Variants in DOP1B observed in about 807,000 individuals in gnomAD.
DOP1B encodes the protein protein DOP1B.
Under a neutral mutation model 233.5 loss-of-function variants are expected in DOP1B, and 174 were observed. The observed-to-expected ratio is 0.75, with a 90% CI of 0.66 to 0.85. DOP1B has a LOEUF of 0.85. DOP1B is among the 40% of genes least tolerant of loss of function. The pLI, the probability that DOP1B is intolerant of heterozygous loss-of-function variation, is 0.00. For missense variants in DOP1B, 2,652 were observed against 2,846.6 expected, an observed-to-expected ratio of 0.93 and a Z score of 1.56; for synonymous variants, 1,190 against 1,185.6, an observed-to-expected ratio of 1.00 and a Z score of -0.08.
In DOP1B at chr21:36,176,097, C is replaced by CGTGTGTGTGT. The variant is rs1555886143; in HGVS notation, c.138+11242_138+11251dup. Among the ~76,000 whole-genome samples, 168 of 141,846 alleles carry CGTGTGTGTGT rather than the reference C, an allele frequency of 1.2e-3. 3 individuals are homozygous for CGTGTGTGTGT. The highest frequency in any genetic ancestry group is 3.8e-3 in the African/African-American group (146 of 38,884). The allele number at this position is 141,846 out of a possible 152,430, so 93.1% of individuals were successfully genotyped here. Reference sequence around the variant, plus strand: ...GAGCTTCGACTTTGGGGTGTGTGTGCGTGTGTGTGTGTGTGTGTGTGTGTG... The same window carrying CGTGTGTGTGT: ...GAGCTTCGACTTTGGGGTGTGTGTGCGTGTGTGTGTGTGTGTGTGTGTGTGTGTGTGTGTG... On this transcript the variant is annotated intron_variant, in intron 2 of 36. Coordinates refer to ENST00000691173, the MANE Select transcript of DOP1B (RefSeq NM_001320714.2).
intron 2 of DOP1B, among the ~76,000 whole-genome samples, chr21:36,176,091 T>TATGTGC (rs1569000896): frequency 7.0e-6 from 1 of 142,800 alleles, no homozygotes; most frequent in African/African-American, 2.7e-5. Flanking sequence ...CTTTGGGGTG[T>TATGTGC]GTGTGCGTGT....
chr21:36,159,744 G>T (rs530184574), intron 1 of DOP1B, among the ~76,000 whole-genome samples: 26 of 152,212 alleles, frequency 1.7e-4, no homozygotes, highest in South Asian at 4.2e-4. Flanking sequence ...ACACCTTATC[G>T]TCAATACACA....
chr21:36,279,728 C>G (rs563580349), intron 30 of DOP1B, among the ~76,000 whole-genome samples: 3 of 152,174 alleles, frequency 2.0e-5, no homozygotes, highest in East Asian at 1.9e-4. Flanking sequence ...AGCCAGAGTG[C>G]CTTGTCAGTT....
chr21:36,200,494 TC>T lies in DOP1B; in HGVS notation c.486del (p.Asp163ThrfsTer8). 1 of 1,606,536 alleles carries T rather than the reference TC, an allele frequency of 6.2e-7. No homozygotes were observed. ...LPGLEEGSEI[S>X]DRTDALLLRL... ...CGGCCTTGAAGAGGGCTCCGAGATC[TC>T]CGACAGGTGCGTGGGCGTCTTGTCC... On this transcript the variant is annotated frameshift_variant, in exon 4 of 37. Coordinates refer to ENST00000691173, the MANE Select transcript of DOP1B (RefSeq NM_001320714.2). LOFTEE classifies it high-confidence loss of function.
rs199791572 is a variant in DOP1B, at chr21:36,214,160, T to G, written c.984T>G (p.Phe328Leu). 1 of 1,613,588 alleles carries G rather than the reference T, an allele frequency of 6.2e-7. No homozygotes were observed. Among genetic ancestry groups the G allele is most frequent in the African/African-American group, 1.3e-5 (1 of 75,026 alleles). Residue 328 changes from phenylalanine to leucine, a missense_variant, in exon 8 of 37, where the codon TTT (phenylalanine) becomes TTG (leucine). Transcript: ENST00000691173. ...NSYEDQSSYF[F>L]EKYSKDLLVE... ...ATGAAGACCAGTCGTCTTATTTTTT[T>G]GAAAAATACTCCAAGGATCTTTTAG... is the stretch of plus-strand genomic sequence containing the variant.
intron 15 of DOP1B, 121 bp downstream of exon 15, chr21:36,233,196 A>T: frequency 7.7e-7 from 1 of 1,291,224 alleles, no homozygotes; most frequent in Non-Finnish European, 1.1e-6. Flanking sequence ...TCTATAGGGC[A>T]CTGGGCAGAG....
At chr21:36,248,880 G>A (rs1257553811) in intron 21 of DOP1B, among the ~76,000 whole-genome samples, 1 of 151,550 alleles carries the variant, frequency 6.6e-6, no homozygotes, top group Non-Finnish European at 1.5e-5. Context: ...CAAGGCGGAT[G>A]GATCTCCTGA....
chr21:36,188,822 T>A (rs908921412), intron 2 of DOP1B, among the ~76,000 whole-genome samples: 2 of 152,226 alleles, frequency 1.3e-5, no homozygotes, highest in Admixed American at 1.3e-4. Context: ...TCTAGGAACT[T>A]TTAAAGGAAA....
chr21:36,273,934 C>T (rs148232789), intron 27 of DOP1B, among the ~76,000 whole-genome samples: 5 of 152,048 alleles, frequency 3.3e-5, no homozygotes, highest in Non-Finnish European at 5.9e-5. Context: ...AGAAATTAGC[C>T]GGGTGTGGTG....
At chr21:36,233,251 T>C (rs1318402885) in intron 15 of DOP1B, among the ~76,000 whole-genome samples, 176 bp downstream of exon 15, 1 of 152,152 alleles carries the variant, frequency 6.6e-6, no homozygotes, top group East Asian at 1.9e-4. Flanking sequence ...ACTTTCACCC[T>C]CCAGGAAAGC....
chr21:36,241,074 C>T (rs765872073), intron 18 of DOP1B, among the ~76,000 whole-genome samples: 4 of 151,856 alleles, frequency 2.6e-5, no homozygotes, highest in African/African-American at 7.3e-5. Context: ...GCAGGCAGAT[C>T]GTGAGGTCAA....
In DOP1B at chr21:36,230,912, A is replaced by G. The variant is rs370996759; in HGVS notation, c.2128A>G (p.Lys710Glu). The G allele has an allele frequency of 4.3e-6, 7 of 1,614,046 alleles. No homozygotes were observed. Among genetic ancestry groups the G allele is most frequent in the Middle Eastern group, 1.6e-4 (1 of 6,084 alleles). The change falls in exon 14 of 37, where the codon AAA becomes GAA. Residue 710 changes from lysine to glutamate, a missense_variant. Coordinates refer to ENST00000691173, the MANE Select transcript of DOP1B (RefSeq NM_001320714.2). ...FTARGSPFKT[K>E]SSESPSSSPS... ...AGCACGAGGGTCTCCATTCAAGACA[A>G]AAAGTTCAGAGTCACCATCGTCTTC...
chr21:36,183,851 C>T (rs1342177383), intron 2 of DOP1B, among the ~76,000 whole-genome samples: 1 of 150,578 alleles, frequency 6.6e-6, no homozygotes, highest in East Asian at 2.0e-4. Context: ...TTCACATTTC[C>T]TGTGTACATG....
chr21:36,219,716 T>C (rs899167043), intron 10 of DOP1B, among the ~76,000 whole-genome samples: 6 of 152,006 alleles, frequency 3.9e-5, no homozygotes, highest in Middle Eastern at 3.4e-3. Context: ...ATATAGTCTT[T>C]CCCCCAGCCT....
intron 35 of DOP1B, among the ~76,000 whole-genome samples, chr21:36,291,356 C>T (rs1455887677): frequency 1.3e-5 from 2 of 151,926 alleles, no homozygotes; most frequent in Non-Finnish European, 2.9e-5. Context: ...GTCAGGAGTT[C>T]AAGACCAGCC....
chr21:36,214,425 C>CT lies in DOP1B; in HGVS notation c.1015-10dup, dbSNP rs1188251077. Reference sequence around the variant, plus strand: ...TGATATACGATATTCTAATATGTGGCTTTTTTTAAATAATAGGGTTTGGCT... The same window carrying CT: ...TGATATACGATATTCTAATATGTGGCTTTTTTTTAAATAATAGGGTTTGGCT... On this transcript the variant is annotated splice_polypyrimidine_tract_variant and intron_variant, in intron 8 of 36. Coordinates refer to ENST00000691173, the MANE Select transcript of DOP1B (RefSeq NM_001320714.2). 1.2e-6 allele frequency: 2 copies of CT among 1,602,074 alleles called. No homozygotes were observed. The highest frequency in any genetic ancestry group is 1.7e-6 in the Non-Finnish European group (2 of 1,175,172).
chr21:36,249,961 G>A (rs1005669683), intron 21 of DOP1B, among the ~76,000 whole-genome samples: 3 of 152,166 alleles, frequency 2.0e-5, no homozygotes, highest in South Asian at 4.1e-4. Context: ...CAGAAAAAAA[G>A]ATTTTCTAAA....
intron 9 of DOP1B, among the ~76,000 whole-genome samples, chr21:36,216,394 T>C (rs564262184): frequency 6.7e-6 from 1 of 149,680 alleles, no homozygotes; most frequent in Admixed American, 6.6e-5. Context: ...GTGGATCACC[T>C]GAGGTCAGGA....
chr21:36,182,325 G>T (rs2066109427), intron 2 of DOP1B, among the ~76,000 whole-genome samples: 1 of 151,944 alleles, frequency 6.6e-6, no homozygotes, highest in Non-Finnish European at 1.5e-5. Context: ...GCGCTGCAGG[G>T]TGGGGGCCCC....
Sources: gnomAD v4.1 joint callset for allele counts (sites outside exome capture counted in the v4.1 genomes callset) on GRCh38, gnomAD v4.1.1 for gene constraint, MANE v1.5 for transcripts, NCBI Gene and HGNC (gene_info 2026-07-23, HGNC 2026-07-21) for gene names.